The following IL1RAP variants were observed in gnomAD, a reference collection of about 807,000 sequenced individuals.
The protein encoded by IL1RAP is interleukin 1 receptor accessory protein, also known as interleukin-1 receptor accessory protein.
Under a neutral mutation model 60.7 loss-of-function variants are expected in IL1RAP, and 35 were observed. The ratio of observed to expected loss-of-function variants is 0.58; its 90% CI spans 0.44 to 0.76. The LOEUF (loss-of-function observed/expected upper bound fraction) is 0.76. Among genes scored for constraint, IL1RAP ranks in the 30% least tolerant of loss-of-function variants. The pLI is 0.00. For synonymous variants in IL1RAP, 268 were observed against 250.9 expected (o/e 1.07, Z -0.64); for missense variants, 572 against 693.9 (o/e 0.82, Z 1.97).
intron 11 of IL1RAP, among the ~76,000 whole-genome samples, chr3:190,647,242 C>T (rs759584488): frequency 5.3e-4 from 81 of 152,174 alleles, no homozygotes; most frequent in Non-Finnish European, 9.8e-4. Context: ...CTCCCCCAGG[C>T]TGTGCATGCT....
chr3:190,612,098 T>C (rs1730871189), intron 5 of IL1RAP, among the ~76,000 whole-genome samples: 1 of 152,174 alleles, frequency 6.6e-6, no homozygotes, highest in Non-Finnish European at 1.5e-5. Context: ...AAAATAAAAT[T>C]ATATGATGTC....
chr3:190,542,153 C>A (rs1723993740), intron 1 of IL1RAP, among the ~76,000 whole-genome samples: 1 of 152,062 alleles, frequency 6.6e-6, no homozygotes, highest in Admixed American at 6.6e-5. Flanking sequence ...TTTTCACAAC[C>A]CTTGCTCCAG....
intron 9 of IL1RAP, among the ~76,000 whole-genome samples, chr3:190,631,778 T>A (rs1448235082): frequency 2.6e-5 from 4 of 152,060 alleles, no homozygotes; most frequent in Non-Finnish European, 4.4e-5. Flanking sequence ...GTTGTTTTAT[T>A]TATATTTTAT....
At chr3:190,618,262 C>T (rs566388873) in intron 5 of IL1RAP, among the ~76,000 whole-genome samples, 2 of 152,312 alleles carry the variant, frequency 1.3e-5, no homozygotes, top group African/African-American at 4.8e-5. Flanking sequence ...CTTAACGTTT[C>T]TAGGCCTTGT....
intron 1 of IL1RAP, among the ~76,000 whole-genome samples, chr3:190,524,814 G>C (rs1722370544): frequency 6.6e-6 from 1 of 152,076 alleles, no homozygotes; most frequent in Admixed American, 6.5e-5. Context: ...GGATAAGACA[G>C]TAAATTATAC....
At chr3:190,655,629 A>G (rs1482672851), downstream of IL1RAP, among the ~76,000 whole-genome samples, 2 of 145,188 alleles carry the variant, frequency 1.4e-5, no homozygotes, top group East Asian at 4.2e-4. Context: ...TTATTGAAGA[A>G]GGAGACTACT....
chr3:190,538,935 A>C (rs1006258475), intron 1 of IL1RAP, among the ~76,000 whole-genome samples: 3 of 152,136 alleles, frequency 2.0e-5, no homozygotes, highest in African/African-American at 7.2e-5. Context: ...CATGATTGTA[A>C]GTTTCCTGAA....
At position 190,631,598 on chromosome 3, in the gene IL1RAP, T is replaced by G. The variant is rs370392176; in HGVS notation, c.1051+2100T>G. 3.3e-5 allele frequency among the ~76,000 whole-genome samples: 5 copies of G among 152,264 alleles called. No individual in the cohort carries two copies. In the East Asian group the frequency reaches 7.7e-4, roughly 24 times the overall value. ...TTATATCTGAGTTCACATTCATACA[T>G]TACATGTATGGGACTACTCTAAATT... On this transcript the variant is annotated intron_variant, in intron 9 of 11. Coordinates refer to ENST00000447382, the MANE Select transcript of IL1RAP (RefSeq NM_002182.4).
chr3:190,598,974 G>T (rs1729619358), intron 3 of IL1RAP, among the ~76,000 whole-genome samples: 1 of 152,028 alleles, frequency 6.6e-6, no homozygotes, highest in African/African-American at 2.4e-5. Context: ...ATTTTAATTT[G>T]TATGTTTTTG....
chr3:190,652,165 T>C (rs746068662), downstream of IL1RAP, among the ~76,000 whole-genome samples: 1 of 151,880 alleles, frequency 6.6e-6, no homozygotes, highest in African/African-American at 2.4e-5. Flanking sequence ...CCTTTTTGCT[T>C]TAAAAAAAAA....
intron 1 of IL1RAP, among the ~76,000 whole-genome samples, chr3:190,545,834 G>A (rs1464034323): frequency 6.6e-6 from 1 of 152,118 alleles, no homozygotes; most frequent in African/African-American, 2.4e-5. Flanking sequence ...CCCTGCTAGG[G>A]TATGTATATA....
intron 9 of IL1RAP, among the ~76,000 whole-genome samples, chr3:190,640,002 G>T (rs1018747967): frequency 6.6e-6 from 1 of 152,146 alleles, no homozygotes; most frequent in Non-Finnish European, 1.5e-5. Context: ...ACCTTTTAAA[G>T]TATTCCCCCA....
chr3:190,615,187 C>T, intron 5 of IL1RAP: 1 of 374,524 alleles, frequency 2.7e-6, no homozygotes, highest in Non-Finnish European at 5.0e-6. Context: ...GTTGAATAAG[C>T]CAGGTTTTGT....
At chr3:190,580,785 T>C (rs1433192458) in intron 3 of IL1RAP, among the ~76,000 whole-genome samples, 1 of 152,170 alleles carries the variant, frequency 6.6e-6, no homozygotes, top group Non-Finnish European at 1.5e-5. Context: ...GGAAATTAAA[T>C]GTTACATAAA....
intron 8 of IL1RAP, among the ~76,000 whole-genome samples, chr3:190,628,837 C>T (rs901273288): frequency 2.6e-5 from 4 of 152,156 alleles, no homozygotes; most frequent in African/African-American, 9.7e-5. Context: ...AATATTCATG[C>T]CTTAGCATAT....
At chr3:190,629,520 G>GA in intron 9 of IL1RAP, 22 bp downstream of exon 9, 2 of 1,591,060 alleles carry the variant, frequency 1.3e-6, no homozygotes, top group Non-Finnish European at 1.7e-6. Flanking sequence ...GGTCAGTGAT[G>GA]AATCTCTCAG....
intron 9 of IL1RAP, among the ~76,000 whole-genome samples, chr3:190,635,442 C>A (rs1412328875): frequency 6.6e-6 from 1 of 152,084 alleles, no homozygotes; most frequent in Non-Finnish European, 1.5e-5. Context: ...TAAGCTGTAT[C>A]ACTGATTTTT....
intron 1 of IL1RAP, among the ~76,000 whole-genome samples, chr3:190,549,320 CT>C (rs1724654451): frequency 6.6e-6 from 1 of 152,134 alleles, no homozygotes; most frequent in South Asian, 2.1e-4. Context: ...CTCATTCCCC[CT>C]GAAAGAAGTA....
intron 9 of IL1RAP, chr3:190,642,046 A>G (rs1193489919): frequency 6.6e-6 from 1 of 152,244 alleles, no homozygotes; most frequent in Non-Finnish European, 1.5e-5. Flanking sequence ...TCCCCAGTTT[A>G]GGATAATAAA....
Sources: gnomAD v4.1 joint callset for allele counts (sites outside exome capture counted in the v4.1 genomes callset) on GRCh38, gnomAD v4.1.1 for gene constraint, MANE v1.5 for transcripts, NCBI Gene and HGNC (gene_info 2026-07-23, HGNC 2026-07-21) for gene names.